The following RBAK variants were observed in gnomAD, a reference collection of about 807,000 sequenced individuals.
RBAK encodes the protein RB-associated KRAB zinc finger protein.
RBAK carries 39 observed loss-of-function variants against 65.8 expected under a neutral mutation model. The observed-to-expected ratio is 0.59, with a 90% confidence interval of 0.46 to 0.77. The LOEUF (loss-of-function observed/expected upper bound fraction) is 0.77, where lower values mean the gene tolerates loss of function less well. Among genes scored for constraint, RBAK ranks in the 30% least tolerant of loss-of-function variants. RBAK has a pLI of 0.00. For synonymous variants in RBAK, 343 were observed against 289.7 expected (o/e 1.18, Z -1.87); for missense variants, 884 against 855.1 (o/e 1.03, Z -0.42).
intron 2 of RBAK, among the ~76,000 whole-genome samples, chr7:5,051,354 A>T (rs533738881): frequency 1.3e-5 from 2 of 151,886 alleles, no homozygotes; most frequent in African/African-American, 4.8e-5. Flanking sequence ...ATTTTTATAT[A>T]TTTTTTTTCT....
chr7:5,068,143 G>A lies in RBAK; in HGVS notation c.*2542G>A, dbSNP rs1779266481. 6.6e-6 allele frequency: 1 copy of A among 152,118 alleles called. No homozygotes were observed. The highest frequency in any genetic ancestry group is 1.5e-5 in the Non-Finnish European group (1 of 68,038). The allele number at this position is 152,118 out of a possible 1,614,324, so 9.4% of individuals were successfully genotyped here. ...GTATGTGACAACAGCACCGAGTATA[G>A]CAGAAGTGTTGGCAAACTTTATAAA... On this transcript the variant is annotated 3_prime_UTR_variant, in exon 5 of 5. Coordinates refer to ENST00000396912, the MANE Select transcript of RBAK (RefSeq NM_021163.4).
In RBAK at chr7:5,064,790, C is replaced by T. The variant is rs759681284; in HGVS notation, c.1334C>T (p.Thr445Ile). Reference protein sequence around the residue: ...GKFFSRVSYLTIHYRSHLEEK... With the variant: ...GKFFSRVSYLIIHYRSHLEEK... Reference sequence around the variant, plus strand: ...TTCTTTTCTCGGGTGTCATACCTCACTATACATTATAGAAGTCATTTAGAA... The same window carrying T: ...TTCTTTTCTCGGGTGTCATACCTCATTATACATTATAGAAGTCATTTAGAA... The change falls in exon 5 of 5, where the codon ACT becomes ATT. Residue 445 changes from threonine (T) to isoleucine (I), a missense_variant. Transcript: ENST00000396912. This position sits in a 1 kb window ranked among gnomAD's most constrained non-coding sequence, Gnocchi z 6.3. The T allele has an allele frequency of 6.2e-7, 1 of 1,613,934 alleles. No homozygotes were observed. Among genetic ancestry groups the T allele is most frequent in the African/African-American group, 1.3e-5 (1 of 74,920 alleles).
At chr7:5,059,749 C>G (rs1011132841) in intron 4 of RBAK, among the ~76,000 whole-genome samples, 34 of 152,068 alleles carry the variant, frequency 2.2e-4, no homozygotes, top group African/African-American at 7.7e-4. Context: ...TTTTACAGTC[C>G]GATAGGATTA....
In RBAK at chr7:5,059,449, G is replaced by T. The variant is rs577468280; in HGVS notation, c.238+1670G>T. Among the ~76,000 whole-genome samples the T allele has an allele frequency of 3.0e-4, 45 of 151,878 alleles. No homozygotes were observed. The South Asian group carries it at 8.1e-3, about 27-fold the overall frequency. ...GATTCCCCTGCCTCAGCCTCCCAAA[G>T]TAGCTGGGATTACAGGCGCACGCCA... On this transcript the variant is annotated intron_variant, in intron 4 of 4. Coordinates refer to ENST00000396912, the MANE Select transcript of RBAK (RefSeq NM_021163.4).
chr7:5,065,341 G>C lies in RBAK; in HGVS notation c.1885G>C (p.Gly629Arg), dbSNP rs541399785. The C allele has an allele frequency of 1.9e-6, 3 of 1,613,708 alleles. No homozygotes were observed. In the East Asian group the frequency reaches 6.7e-5, roughly 36 times the overall value. ...GAAACCCTATGAATGTAGTAAATGT[G>C]GAAAAGTCTTCTCTCGGATGTCAAA... is the stretch of plus-strand genomic sequence containing the variant. ...GEKPYECSKCGKVFSRMSNLT... is the reference protein window; with the variant it reads ...GEKPYECSKCRKVFSRMSNLT... The change falls in exon 5 of 5, where the codon GGA (glycine) becomes CGA (arginine). Residue 629 changes from glycine to arginine, a missense_variant. Physicochemically the swap from Gly to Arg is moderately radical, Grantham distance 125. Transcript: ENST00000396912. The surrounding 1 kb of genome is among the most constrained non-coding windows in gnomAD (Gnocchi z 5.3).
At chr7:5,061,431 T>C (rs546788889) in intron 4 of RBAK, among the ~76,000 whole-genome samples, 3 of 147,666 alleles carry the variant, frequency 2.0e-5, no homozygotes, top group African/African-American at 7.5e-5. Flanking sequence ...GATCTTGGGT[T>C]TTTTGTTTTG....
chr7:5,051,948 AT>A (rs1788125453), intron 2 of RBAK, among the ~76,000 whole-genome samples: 2 of 152,092 alleles, frequency 1.3e-5, no homozygotes, highest in South Asian at 4.1e-4. Flanking sequence ...ATCCTTGTTG[AT>A]TGTGTGCCTA....
chr7:5,057,182 A>G, intron 2 of RBAK, 113 bp from the exon 3 acceptor site: 1 of 1,524,988 alleles, frequency 6.6e-7, no homozygotes, highest in East Asian at 2.3e-5. Flanking sequence ...ATAATCTGTA[A>G]CATAAAATAA....
At chr7:5,062,015 A>T (rs929618761) in intron 4 of RBAK, among the ~76,000 whole-genome samples, 2 of 152,178 alleles carry the variant, frequency 1.3e-5, no homozygotes, top group Non-Finnish European at 2.9e-5. Context: ...TGAGGAAATC[A>T]AAGCATTCAG....
intron 1 of RBAK, among the ~76,000 whole-genome samples, chr7:5,046,620 G>A (rs979230809): frequency 5.3e-5 from 8 of 152,170 alleles, no homozygotes; most frequent in Middle Eastern, 3.2e-3. Flanking sequence ...CCTCAGCTGC[G>A]GACGTCGTCT....
At chr7:5,050,806 T>C (rs1252182061) in intron 2 of RBAK, among the ~76,000 whole-genome samples, 1 of 152,166 alleles carries the variant, frequency 6.6e-6, no homozygotes, top group African/African-American at 2.4e-5. Context: ...ACTCCTGGGC[T>C]CAAGTGATCC....
intron 4 of RBAK, among the ~76,000 whole-genome samples, chr7:5,062,353 A>G (rs1355010880): frequency 6.6e-6 from 1 of 152,198 alleles, no homozygotes; most frequent in Non-Finnish European, 1.5e-5. Flanking sequence ...GGGAGACATC[A>G]CATGTCGGTA....
At chr7:5,057,016 A>AT (rs1778933868) in intron 2 of RBAK, 1 of 161,358 alleles carries the variant, frequency 6.2e-6, no homozygotes, top group East Asian at 1.9e-4. Context: ...GTTCACTTGC[A>AT]AAATAGGAGC....
rs1387207918 is a variant in RBAK, at chr7:5,068,310, C to T, written c.*2709C>T. On this transcript the variant is annotated 3_prime_UTR_variant, in exon 5 of 5. Transcript: ENST00000396912. ...TAAAACCATTCACAATCCCAGGTGG[C>T]AGTCTGGATTTGGTCTGCACTCATA... 1 of 152,090 alleles carries T rather than the reference C, an allele frequency of 6.6e-6. No individual in the cohort carries two copies. Among genetic ancestry groups the T allele is most frequent in the Non-Finnish European group, 1.5e-5 (1 of 68,030 alleles). The allele number at this position is 152,090 out of a possible 1,614,324, so 9.4% of individuals were successfully genotyped here.
chr7:5,053,198 C>T (rs1245211486), intron 2 of RBAK, among the ~76,000 whole-genome samples: 2 of 152,168 alleles, frequency 1.3e-5, no homozygotes, highest in African/African-American at 4.8e-5. Context: ...TTTAACATTT[C>T]TTCTAGTTGA....
At position 5,066,614 on chromosome 7, in the gene RBAK, G is replaced by C. The variant is rs1489943798; in HGVS notation, c.*1013G>C. ...GGTACAAATACAGTGTCATTGTTTT[G>C]TGCATTCTCCTTTTTCCCAGTATTT... On this transcript the variant is annotated 3_prime_UTR_variant, in exon 5 of 5. Transcript: ENST00000396912. 1 of 152,044 alleles carries C rather than the reference G, an allele frequency of 6.6e-6. No homozygotes were observed. The highest frequency in any genetic ancestry group is 1.5e-5 in the Non-Finnish European group (1 of 67,962). 9.4% of individuals were successfully genotyped at this position (152,044 alleles called of 1,614,324 possible). A position where few individuals can be genotyped will look rare whatever the true frequency, so the allele number is the denominator to read the frequency against.
chr7:5,055,013 C>A (rs1788195311), intron 2 of RBAK, among the ~76,000 whole-genome samples: 1 of 151,894 alleles, frequency 6.6e-6, no homozygotes, highest in Admixed American at 6.6e-5. Flanking sequence ...AACTCCTGAC[C>A]TCGGGTGATC....
At position 5,046,213 on chromosome 7, in the gene RBAK, T is replaced by G; in HGVS notation, c.-228T>G. On this transcript the variant is annotated 5_prime_UTR_variant, in exon 1 of 5. Transcript: ENST00000396912. ...GTACGGTGAGCCCGAGGGAGGCGGA[T>G]CTGGGTCCCGGGAAGGACACCCGCC... The G allele has an allele frequency of 2.0e-6, 1 of 496,254 alleles. No homozygotes were observed. The highest frequency in any genetic ancestry group is 4.0e-6 in the Non-Finnish European group (1 of 250,396). 30.7% of individuals were successfully genotyped at this position (496,254 alleles called of 1,614,324 possible). A position where few individuals can be genotyped will look rare whatever the true frequency, so the allele number is the denominator to read the frequency against.
intron 4 of RBAK, among the ~76,000 whole-genome samples, chr7:5,062,748 T>C (rs1006116445): frequency 9.2e-5 from 14 of 152,328 alleles, no homozygotes; most frequent in African/African-American, 3.4e-4. Flanking sequence ...GGGGGCCATC[T>C]ATAGGCCCAC....
Sources: allele counts gnomAD v4.1 joint callset (sites outside exome capture counted in the v4.1 genomes callset), GRCh38; gene constraint gnomAD v4.1.1; non-coding constraint Gnocchi (gnomAD v3.1); transcripts MANE v1.5; gene names NCBI Gene and HGNC (gene_info 2026-07-23, HGNC 2026-07-21).